Variants in ADAMTS6 observed in about 807,000 individuals in gnomAD.
ADAMTS6 encodes A disintegrin and metalloproteinase with thrombospondin motifs 6.
In ADAMTS6, 23 loss-of-function variants were observed where a neutral mutation model predicts 144.3. The observed-to-expected ratio is 0.16, with a 90% CI of 0.11 to 0.23. The LOEUF is 0.23. ADAMTS6 is among the 10% of genes least tolerant of loss of function. ADAMTS6 has a pLI of 1.00. For missense variants in ADAMTS6, 999 were observed against 1,379.6 expected (o/e 0.72, Z 4.37); for synonymous variants, 444 against 457.5 (o/e 0.97, Z 0.38).
At chr5:65,406,026 T>C (rs1323989756) in intron 7 of ADAMTS6, among the ~76,000 whole-genome samples, 1 of 152,200 alleles carries the variant, frequency 6.6e-6, no homozygotes, top group East Asian at 1.9e-4. Context: ...AAGTTGCTTA[T>C]TAGCTTAAGG....
rs866527346 is a variant in ADAMTS6, at chr5:65,164,199, C to A, written c.3244+6418G>T. 1.8e-3 allele frequency among the ~76,000 whole-genome samples: 280 copies of A among 151,872 alleles called. 2 individuals carry two copies. The highest frequency in any genetic ancestry group is 6.5e-3 in the African/African-American group (269 of 41,432). ...GCACCGTGCGCGAGCCGAAGCAGGG[C>A]GAGGCATTGCCTCACCTGGGAAGCG... On this transcript the variant is annotated intron_variant, in intron 24 of 24. Coordinates refer to ENST00000381055, the MANE Select transcript of ADAMTS6 (RefSeq NM_197941.4).
intron 7 of ADAMTS6, among the ~76,000 whole-genome samples, chr5:65,397,873 T>TC (rs1753487797): frequency 7.9e-6 from 1 of 127,298 alleles, no homozygotes; most frequent in African/African-American, 3.1e-5. Context: ...TAAGACCCTG[T>TC]CTTAAAAAAA....
chr5:65,475,516 C>T (rs1427859070), intron 1 of ADAMTS6, among the ~76,000 whole-genome samples: 1 of 152,026 alleles, frequency 6.6e-6, no homozygotes, highest in African/African-American at 2.4e-5. Flanking sequence ...TGACAAATGC[C>T]GTAATAAGGT....
intron 15 of ADAMTS6, among the ~76,000 whole-genome samples, chr5:65,240,036 A>G (rs185043002): frequency 6.6e-6 from 1 of 152,376 alleles, no homozygotes; most frequent in East Asian, 1.9e-4. Context: ...ATATGCTCAC[A>G]AAATGATAGT....
intron 21 of ADAMTS6, among the ~76,000 whole-genome samples, chr5:65,189,371 ACC>A (rs2112182415): frequency 6.6e-6 from 1 of 152,262 alleles, no homozygotes; most frequent in East Asian, 1.9e-4. Context: ...AGCAAAAGGG[ACC>A]CTTTCCTTTC....
In ADAMTS6 at chr5:65,418,583, G is replaced by T. The variant is rs553592194; in HGVS notation, c.1073+32892C>A. Among the ~76,000 whole-genome samples, 6 of 151,806 alleles carry T rather than the reference G, an allele frequency of 4.0e-5. No homozygotes were observed. In the East Asian group the frequency reaches 9.7e-4, roughly 24 times the overall value. ...ATAATTGTCTGGGTTTTTTTTAAACGCAGTACAATAAATAATTTAATAACT... is the reference window on the plus strand; with the variant it reads ...ATAATTGTCTGGGTTTTTTTTAAACTCAGTACAATAAATAATTTAATAACT... On this transcript the variant is annotated intron_variant, in intron 7 of 24. Coordinates refer to ENST00000381055, the MANE Select transcript of ADAMTS6 (RefSeq NM_197941.4).
chr5:65,407,260 A>G (rs1754604480), intron 7 of ADAMTS6, among the ~76,000 whole-genome samples: 1 of 152,166 alleles, frequency 6.6e-6, no homozygotes, highest in Admixed American at 6.6e-5. Context: ...CCACAAAGGG[A>G]AGCCCATCAG....
intron 20 of ADAMTS6, among the ~76,000 whole-genome samples, chr5:65,205,897 G>A (rs1382448245): frequency 2.0e-5 from 3 of 152,148 alleles, no homozygotes; most frequent in African/African-American, 7.2e-5. Flanking sequence ...GGATGCATCG[G>A]AAGGAATATA....
intron 8 of ADAMTS6, among the ~76,000 whole-genome samples, chr5:65,332,287 GTATATATATA>G (rs367547551): frequency 1.1e-4 from 13 of 117,952 alleles, no homozygotes; most frequent in Admixed American, 1.8e-4. Flanking sequence ...GACAGTGAGG[GTATATATATA>G]TATATATATA....
intron 7 of ADAMTS6, among the ~76,000 whole-genome samples, chr5:65,357,236 T>A (rs1251072967): frequency 1.3e-5 from 2 of 151,634 alleles, no homozygotes; most frequent in African/African-American, 2.4e-5. Flanking sequence ...AGAAATAGAA[T>A]GCAAAATCAA....
chr5:65,166,343 A>G (rs1223849704), intron 24 of ADAMTS6, among the ~76,000 whole-genome samples: 1 of 88,902 alleles, frequency 1.1e-5, no homozygotes, highest in Non-Finnish European at 2.2e-5. Flanking sequence ...TATCCTAAAT[A>G]TATATGCACC....
chr5:65,263,550 A>G (rs1358435956), intron 12 of ADAMTS6, among the ~76,000 whole-genome samples: 1 of 152,138 alleles, frequency 6.6e-6, no homozygotes, highest in Non-Finnish European at 1.5e-5. Flanking sequence ...AAACCCTTGT[A>G]TACACTGACT....
intron 14 of ADAMTS6, among the ~76,000 whole-genome samples, chr5:65,242,433 A>G (rs998158562): frequency 6.6e-6 from 1 of 152,190 alleles, no homozygotes; most frequent in Non-Finnish European, 1.5e-5. Context: ...GCGTTACACA[A>G]TTTCCCTATA....
At chr5:65,325,778 C>T (rs1437989727) in intron 9 of ADAMTS6, among the ~76,000 whole-genome samples, 1 of 152,098 alleles carries the variant, frequency 6.6e-6, no homozygotes, top group Non-Finnish European at 1.5e-5. Flanking sequence ...CAGGCATGAG[C>T]CACAGTGTCT....
chr5:65,345,272 C>T (rs568757945), intron 7 of ADAMTS6, among the ~76,000 whole-genome samples: 212 of 150,504 alleles, frequency 1.4e-3, no homozygotes, highest in South Asian at 0.01. Context: ...TCACAGAAAA[C>T]GAAAACCCTA....
chr5:65,361,367 T>G (rs2150105057), intron 7 of ADAMTS6, among the ~76,000 whole-genome samples: 1 of 152,254 alleles, frequency 6.6e-6, no homozygotes. Context: ...ACTATCCACC[T>G]TTAAAAAAAT....
intron 24 of ADAMTS6, among the ~76,000 whole-genome samples, chr5:65,162,559 TC>T (rs1752840814): frequency 6.6e-6 from 1 of 151,848 alleles, no homozygotes; most frequent in South Asian, 2.1e-4. Flanking sequence ...CCCCTGTGCC[TC>T]ACTTTCTTCA....
At chr5:65,318,490 A>G (rs1745232152) in intron 9 of ADAMTS6, among the ~76,000 whole-genome samples, 1 of 152,198 alleles carries the variant, frequency 6.6e-6, no homozygotes, top group South Asian at 2.1e-4. Flanking sequence ...GTGTCCATCA[A>G]CAGAAGAATA....
At chr5:65,406,291 A>G (rs917900488) in intron 7 of ADAMTS6, among the ~76,000 whole-genome samples, 3 of 152,056 alleles carry the variant, frequency 2.0e-5, no homozygotes, top group African/African-American at 7.2e-5. Context: ...GTTTGTCATA[A>G]ATAGCTCTTA....
Sources: allele counts gnomAD v4.1 joint callset (sites outside exome capture counted in the v4.1 genomes callset), GRCh38; gene constraint gnomAD v4.1.1; transcripts MANE v1.5; gene names NCBI Gene and HGNC (gene_info 2026-07-23, HGNC 2026-07-21).